The following RUNX3 variants were observed in gnomAD, a reference collection of about 807,000 sequenced individuals.
RUNX3 encodes runt-related transcription factor 3.
Under a neutral mutation model 27.7 loss-of-function variants are expected in RUNX3, and 10 were observed. That is an observed-to-expected ratio of 0.36 (90% CI 0.22 to 0.61). The LOEUF (loss-of-function observed/expected upper bound fraction) is 0.61. RUNX3 is among the 20% of genes least tolerant of loss of function. RUNX3 has a pLI of 0.72. For missense variants in RUNX3, 469 were observed against 629.5 expected (o/e 0.75, Z 2.73); for synonymous variants, 270 against 269.2 (o/e 1.00, Z -0.03).
chr1:24,914,542 G>GCCC (rs1640851906), intron 3 of RUNX3, among the ~76,000 whole-genome samples: 1 of 152,188 alleles, frequency 6.6e-6, no homozygotes, highest in Non-Finnish European at 1.5e-5. Context: ...GCTGGCCGGG[G>GCCC]GCCAGCGGGC....
chr1:24,948,240 C>G (rs564638782), intron 2 of RUNX3, among the ~76,000 whole-genome samples: 1 of 152,358 alleles, frequency 6.6e-6, no homozygotes, highest in African/African-American at 2.4e-5. Flanking sequence ...CCTGCAGCCT[C>G]CCTCAGACCA....
chr1:24,929,415 G>C (rs991699325), intron 1 of RUNX3, 172 bp downstream of exon 1: 6 of 737,952 alleles, frequency 8.1e-6, no homozygotes, highest in Non-Finnish European at 1.4e-5. Flanking sequence ...ATCCAAAACG[G>C]AACGCCGAGG....
At chr1:24,926,835 C>T (rs1641108648) in intron 2 of RUNX3, among the ~76,000 whole-genome samples, 1 of 152,156 alleles carries the variant, frequency 6.6e-6, no homozygotes. Flanking sequence ...CTCAGGCCTC[C>T]GTTCCACAGG....
At chr1:24,964,516 C>T (rs766657995) in exon 2 of RUNX3, 19 of 1,609,598 alleles carry the variant, frequency 1.2e-5, no homozygotes, top group African/African-American at 4.0e-5. Context: ...TTACTCACCG[C>T]GGATGAAGGT....
At chr1:24,948,964 T>C (rs961231750) in intron 2 of RUNX3, among the ~76,000 whole-genome samples, 2 of 151,962 alleles carry the variant, frequency 1.3e-5, no homozygotes, top group African/African-American at 2.4e-5. Flanking sequence ...TGCTTGCCCC[T>C]GTGATACAAA....
chr1:24,915,050 G>A (rs1439163714), intron 3 of RUNX3, among the ~76,000 whole-genome samples: 1 of 152,218 alleles, frequency 6.6e-6, no homozygotes, highest in Non-Finnish European at 1.5e-5. Flanking sequence ...CAGCTGTGAA[G>A]GGCTCCTGCC....
chr1:24,926,348 T>A (rs1641100183), intron 2 of RUNX3, among the ~76,000 whole-genome samples: 1 of 152,198 alleles, frequency 6.6e-6, no homozygotes, highest in Non-Finnish European at 1.5e-5. Flanking sequence ...TTTCCATCCA[T>A]CAACCTGCAA....
intron 2 of RUNX3, among the ~76,000 whole-genome samples, chr1:24,963,573 G>A (rs939205926): frequency 6.6e-6 from 1 of 152,160 alleles, no homozygotes; most frequent in Non-Finnish European, 1.5e-5. Context: ...GAGAGGTTAA[G>A]TAACTCCCCT....
Position 24,902,409 on chromosome 1 carries a change from C to T in RUNX3, c.961G>A (p.Gly321Arg), listed in dbSNP as rs34188858. The T allele has an allele frequency of 2.9e-5, 47 of 1,612,392 alleles. No individual in the cohort carries two copies. In the African/African-American group the frequency reaches 4.0e-4, roughly 14 times the overall value. The change falls in exon 5 of 5, where the codon GGG (glycine) becomes AGG (arginine). Residue 321 changes from glycine (G) to arginine (R), a missense_variant. By Grantham distance (125) the Gly-to-Arg change is moderately radical. Coordinates refer to ENST00000308873, the MANE Select transcript of RUNX3 (RefSeq NM_004350.3). This position sits in a 1 kb window ranked among gnomAD's most constrained non-coding sequence, Gnocchi z 9.2. ...PYPGAPQNQS[G>R]PFQANPSPYH... is the part of the protein sequence containing the mutation. ...GGGGACGGGTTGGCCTGGAAGGGCC[C>T]GCTCTGGTTCTGCGGGGCCCCCGGG...
At chr1:24,928,857 G>A (rs542255790) in intron 1 of RUNX3, 2 of 358,968 alleles carry the variant, frequency 5.6e-6, no homozygotes, top group East Asian at 7.6e-5. Context: ...GGCCCTTCCT[G>A]CCCTGCCCTT....
In RUNX3 at chr1:24,902,240, A is replaced by C; in HGVS notation, c.1130T>G (p.Met377Arg). The change falls in exon 5 of 5, where the codon ATG becomes AGG. Residue 377 changes from methionine to arginine, a missense_variant. This residue lies in a region of RUNX3 where 279 missense variants were observed against 343.0 expected (regional missense o/e 0.81). Coordinates refer to ENST00000308873, the MANE Select transcript of RUNX3 (RefSeq NM_004350.3). This position sits in a 1 kb window ranked among gnomAD's most constrained non-coding sequence, Gnocchi z 9.2. ...ACTCTGGCCGCCCAGGCTGGGGTTC[A>C]TGAGGTTGCCGGCGGCGACAGAGGC... ...SAASVAAGNL[M>R]NPSLGGQSDG... The C allele has an allele frequency of 6.3e-7, 1 of 1,580,220 alleles. No individual in the cohort carries two copies. Among genetic ancestry groups the C allele is most frequent in the Non-Finnish European group, 8.6e-7 (1 of 1,165,006 alleles).
chr1:24,941,790 A>G (rs1641485397), intron 2 of RUNX3, among the ~76,000 whole-genome samples: 1 of 152,130 alleles, frequency 6.6e-6, no homozygotes, highest in South Asian at 2.1e-4. Flanking sequence ...CCGCCTCCTT[A>G]CAGGGTCATG....
intron 2 of RUNX3, among the ~76,000 whole-genome samples, chr1:24,947,085 G>A (rs1641627250): frequency 6.6e-6 from 1 of 152,118 alleles, no homozygotes; most frequent in Non-Finnish European, 1.5e-5. Flanking sequence ...GACCCTCTGC[G>A]TCTCTGTGTG....
chr1:24,958,680 C>T (rs1483770710), intron 2 of RUNX3, among the ~76,000 whole-genome samples: 1 of 152,234 alleles, frequency 6.6e-6, no homozygotes, highest in Non-Finnish European at 1.5e-5. Flanking sequence ...CCCTCCACCC[C>T]TCCCTTCCTT....
Position 24,929,810 on chromosome 1 carries a change from A to G in RUNX3, c.59T>C (p.Phe20Ser). The G allele has an allele frequency of 2.8e-6, 4 of 1,415,178 alleles. No homozygotes were observed. In the South Asian group the frequency reaches 4.5e-5, roughly 16 times the overall value. The allele number at this position is 1,415,178 out of a possible 1,614,324, so 87.7% of individuals were successfully genotyped here. A position where few individuals can be genotyped will look rare whatever the true frequency, so the allele number is the denominator to read the frequency against. The part of the protein sequence containing the change: ...SRRFTPPSPA[F>S]PCGGGGGKMG... The stretch of plus-strand genomic sequence containing the variant: ...CTTGCCGCCGCCGCCGCCGCAGGGG[A>G]AGGCCGGGGAGGGAGGTGTGAAGCG... The change falls in exon 1 of 5, where the codon TTC becomes TCC. Residue 20 changes from phenylalanine to serine, a missense_variant. Physicochemically the swap from Phe to Ser is radical, Grantham distance 155. This residue lies in a region of RUNX3 where 115 missense variants were observed against 118.0 expected (regional missense o/e 0.97). Transcript: ENST00000308873.
At chr1:24,951,223 A>AAAT (rs397802005) in intron 2 of RUNX3, among the ~76,000 whole-genome samples, 4 of 150,646 alleles carry the variant, frequency 2.7e-5, no homozygotes, top group Non-Finnish European at 5.9e-5. Context: ...AAAAAAAAAA[A>AAAT]TAAGGCAGCA....
chr1:24,913,104 C>T (rs1640825854), intron 3 of RUNX3, among the ~76,000 whole-genome samples: 1 of 152,242 alleles, frequency 6.6e-6, no homozygotes, highest in African/African-American at 2.4e-5. Flanking sequence ...GGTTATCATA[C>T]TGTCTAACCC....
intron 3 of RUNX3, among the ~76,000 whole-genome samples, chr1:24,915,000 A>G (rs990406865): frequency 2.6e-5 from 4 of 152,222 alleles, no homozygotes; most frequent in Non-Finnish European, 4.4e-5. Flanking sequence ...CCGAAATGAC[A>G]TTAATGAATC....
chr1:24,907,295 T>C lies in RUNX3; in HGVS notation c.667A>G (p.Ser223Gly), dbSNP rs1470776244. 1.2e-5 allele frequency: 20 copies of C among 1,612,536 alleles called. No individual in the cohort carries two copies. The highest frequency in any genetic ancestry group is 1.7e-5 in the Non-Finnish European group (20 of 1,179,988). The change falls in exon 4 of 5, where the codon AGC becomes GGC. Residue 223 changes from serine to glycine, a missense_variant. Transcript: ENST00000308873. ...PSPRGSLSTT[S>G]HFSSQPQTPI... ...GTCTGGGGCTGGCTGCTGAAGTGGC[T>C]TGTGGTGCTGAGTGAGCCTCGGGGG...
Sources: allele counts gnomAD v4.1 joint callset (sites outside exome capture counted in the v4.1 genomes callset), GRCh38; gene constraint gnomAD v4.1.1; regional missense constraint gnomAD v4.1.1; non-coding constraint Gnocchi (gnomAD v3.1); transcripts MANE v1.5; gene names NCBI Gene and HGNC (gene_info 2026-07-23, HGNC 2026-07-21).